Variants in RNFT2 observed in about 807,000 individuals in gnomAD.
RNFT2 encodes the protein E3 ubiquitin-protein ligase RNFT2.
Under a neutral mutation model 53.0 loss-of-function variants are expected in RNFT2, and 36 were observed. That is an observed-to-expected ratio of 0.68 (90% CI 0.52 to 0.90). The LOEUF is 0.90. RNFT2 is among the 40% of genes least tolerant of loss of function. The probability of loss-of-function intolerance (pLI) is 0.00; values close to 1 mark genes in which losing one functional copy is unlikely to be tolerated. For missense variants in RNFT2, 514 were observed against 585.6 expected (o/e 0.88, Z 1.26); for synonymous variants, 260 against 253.2 (o/e 1.03, Z -0.26).
intron 10 of RNFT2, among the ~76,000 whole-genome samples, chr12:116,846,792 A>G (rs1402292790): frequency 6.6e-6 from 1 of 151,898 alleles, no homozygotes; most frequent in Non-Finnish European, 1.5e-5. Flanking sequence ...AAACCAGTTA[A>G]GAGTAAGTGG....
At chr12:116,743,227 A>C (rs1311482423) in intron 3 of RNFT2, among the ~76,000 whole-genome samples, 1 of 118,004 alleles carries the variant, frequency 8.5e-6, no homozygotes, top group African/African-American at 3.2e-5. Flanking sequence ...AAAAAAAAAA[A>C]AAAAAAAAAA....
Position 116,852,837 on chromosome 12 carries a change from CT to C in RNFT2, c.*3390del. 5 of 889,086 alleles carry C rather than the reference CT, an allele frequency of 5.6e-6. No homozygotes were observed. The Admixed American group carries it at 1.1e-4, about 19-fold the overall frequency. 55.1% of individuals were successfully genotyped at this position (889,086 alleles called of 1,614,324 possible). ...GTGACGGAACCCAGTGTATTACCTG[CT>C]GGAACCAAGGAAACTAACAATGTAG... On this transcript the variant is annotated 3_prime_UTR_variant, in exon 11 of 11. Coordinates refer to ENST00000257575, the MANE Select transcript of RNFT2 (RefSeq NM_001382266.1).
At chr12:116,817,018 T>C (rs933856668) in intron 7 of RNFT2, among the ~76,000 whole-genome samples, 1 of 152,206 alleles carries the variant, frequency 6.6e-6, no homozygotes, top group Non-Finnish European at 1.5e-5. Context: ...GTTTTTGTTT[T>C]GTTTTGTTTT....
intron 7 of RNFT2, among the ~76,000 whole-genome samples, chr12:116,825,152 G>A (rs377486851): frequency 2.0e-5 from 3 of 152,056 alleles, no homozygotes; most frequent in Non-Finnish European, 4.4e-5. Flanking sequence ...AGTTCTCACC[G>A]TTGGCTGGTT....
intron 5 of RNFT2, chr12:116,755,267 T>C: frequency 3.2e-6 from 2 of 620,330 alleles, no homozygotes; most frequent in South Asian, 1.9e-5. Flanking sequence ...TTTATGTTTT[T>C]GTTATGTTCA....
chr12:116,841,926 TATATATATAAATATATATATAA>T (rs1877344240), intron 10 of RNFT2, among the ~76,000 whole-genome samples: 5 of 36,428 alleles, frequency 1.4e-4, no homozygotes, highest in African/African-American at 9.0e-4. Flanking sequence ...TATAAAAATA[TATATATATAAATATATATATAA>T]ATATATATAT....
chr12:116,847,322 G>A (rs1231323020), intron 10 of RNFT2, among the ~76,000 whole-genome samples: 1 of 151,908 alleles, frequency 6.6e-6, no homozygotes, highest in Non-Finnish European at 1.5e-5. Flanking sequence ...GCCACCCCTG[G>A]GACCAATCAA....
intron 7 of RNFT2, among the ~76,000 whole-genome samples, chr12:116,780,380 G>C (rs1873637478): frequency 1.3e-5 from 2 of 152,152 alleles, no homozygotes; most frequent in African/African-American, 4.8e-5. Flanking sequence ...ATACAACCTA[G>C]ATCATCCCTC....
At chr12:116,825,006 C>T (rs1348756392) in intron 7 of RNFT2, among the ~76,000 whole-genome samples, 2 of 152,174 alleles carry the variant, frequency 1.3e-5, no homozygotes, top group African/African-American at 2.4e-5. Flanking sequence ...TCAGGACACA[C>T]CGGGTACAGC....
intron 10 of RNFT2, among the ~76,000 whole-genome samples, 172 bp downstream of exon 10, chr12:116,836,454 G>A (rs1876976049): frequency 6.6e-6 from 1 of 152,200 alleles, no homozygotes; most frequent in African/African-American, 2.4e-5. Flanking sequence ...GTAGCTGGGT[G>A]GACTTGGGCA....
intron 10 of RNFT2, among the ~76,000 whole-genome samples, chr12:116,839,388 G>GTGGA (rs1234178958): frequency 2.1e-5 from 3 of 142,786 alleles, no homozygotes; most frequent in East Asian, 2.1e-4. Context: ...GGTTGGGTGG[G>GTGGA]TGGATGGATG....
rs1309823272 is a variant in RNFT2, at chr12:116,852,352, C to T, written c.*2904C>T. ...CCCCGCCGTAGATTCAGGACATTTG[C>T]CCCTGTGTGCCACCAAACCAGGACT... On this transcript the variant is annotated 3_prime_UTR_variant, in exon 11 of 11. Coordinates refer to ENST00000257575, the MANE Select transcript of RNFT2 (RefSeq NM_001382266.1). 1.3e-5 allele frequency: 17 copies of T among 1,277,800 alleles called. No individual in the cohort carries two copies. The highest frequency in any genetic ancestry group is 1.6e-5 in the Non-Finnish European group (16 of 1,007,288). The allele number at this position is 1,277,800 out of a possible 1,614,324, so 79.2% of individuals were successfully genotyped here.
chr12:116,820,157 C>T (rs986815917), intron 7 of RNFT2, among the ~76,000 whole-genome samples: 1 of 152,206 alleles, frequency 6.6e-6, no homozygotes, highest in African/African-American at 2.4e-5. Context: ...GAAGTACGAT[C>T]ATGCTTACTG....
At chr12:116,838,153 A>C (rs886586808) in intron 10 of RNFT2, among the ~76,000 whole-genome samples, 1 of 152,210 alleles carries the variant, frequency 6.6e-6, no homozygotes, top group Non-Finnish European at 1.5e-5. Context: ...TTTTATGAAT[A>C]GACCAGTTTG....
At chr12:116,799,987 A>C (rs117218966) in intron 7 of RNFT2, among the ~76,000 whole-genome samples, 2,920 of 152,194 alleles carry the variant, frequency 0.019, 52 homozygotes, top group Middle Eastern at 0.034. Context: ...TGAGTGAGTT[A>C]TTGCTATATT....
At chr12:116,755,507 C>G in intron 5 of RNFT2, 3 of 886,304 alleles carry the variant, frequency 3.4e-6, no homozygotes, top group Non-Finnish European at 5.8e-6. Context: ...AACCCAGGTA[C>G]CTTTCTCTTC....
intron 1 of RNFT2, 146 bp from the exon 2 acceptor site, chr12:116,740,199 G>A (rs1440086405): frequency 3.8e-6 from 1 of 265,518 alleles, no homozygotes; most frequent in South Asian, 7.4e-5. Flanking sequence ...AAAAAAAGGA[G>A]TTTCAAGGGG....
At chr12:116,827,775 C>T (rs796968100) in intron 7 of RNFT2, among the ~76,000 whole-genome samples, 41 of 152,278 alleles carry the variant, frequency 2.7e-4, no homozygotes, top group African/African-American at 8.4e-4. Flanking sequence ...TCTAGAGCTG[C>T]CCAATAGCAA....
chr12:116,780,914 G>A lies in RNFT2; in HGVS notation c.882+1566G>A, dbSNP rs374125401. On this transcript the variant is annotated intron_variant, in intron 7 of 10. Coordinates refer to ENST00000257575, the MANE Select transcript of RNFT2 (RefSeq NM_001382266.1). ...ATCTATGTTCAGATCCCAGCCATACGCCTCTCCAGCTGTGTGACTTTGGGC... is the reference window on the plus strand; with the variant it reads ...ATCTATGTTCAGATCCCAGCCATACACCTCTCCAGCTGTGTGACTTTGGGC... 1.1e-4 allele frequency among the ~76,000 whole-genome samples: 16 copies of A among 152,218 alleles called. No homozygotes were observed. The East Asian group carries it at 3.1e-3, about 29-fold the overall frequency.
Sources: gnomAD v4.1 joint callset for allele counts (sites outside exome capture counted in the v4.1 genomes callset) on GRCh38, gnomAD v4.1.1 for gene constraint, MANE v1.5 for transcripts, NCBI Gene and HGNC (gene_info 2026-07-23, HGNC 2026-07-21) for gene names.